PPM1L: variants seen among roughly 807,000 people sequenced by gnomAD.
The protein encoded by PPM1L is protein phosphatase 1L.
In PPM1L, 13 loss-of-function variants were observed where a neutral mutation model predicts 31.4. The ratio of observed to expected loss-of-function variants is 0.41; its 90% CI spans 0.27 to 0.66. The LOEUF is 0.66. Among genes scored for constraint, PPM1L ranks in the 30% least tolerant of loss-of-function variants. The pLI is 0.29. For synonymous variants in PPM1L, 184 were observed against 175.4 expected (o/e 1.05, Z -0.39); for missense variants, 326 against 453.7 (o/e 0.72, Z 2.56).
chr3:161,048,924 C>G (rs1278654980), intron 2 of PPM1L, among the ~76,000 whole-genome samples: 3 of 106,342 alleles, frequency 2.8e-5, no homozygotes, highest in African/African-American at 1.2e-4. Flanking sequence ...ACACTGGGGC[C>G]TGTCGTGGGG....
chr3:160,788,224 T>C (rs1711991211), intron 1 of PPM1L, among the ~76,000 whole-genome samples: 1 of 152,198 alleles, frequency 6.6e-6, no homozygotes, highest in Non-Finnish European at 1.5e-5. Context: ...ATTTTAATGA[T>C]ATTGGTTCTT....
At chr3:160,765,640 TGCCTGTTGGCTCATGAAAG>T (rs1715084662) in intron 1 of PPM1L, among the ~76,000 whole-genome samples, 1 of 152,234 alleles carries the variant, frequency 6.6e-6, no homozygotes, top group Non-Finnish European at 1.5e-5. Flanking sequence ...GCAATATTTT[TGCCTGTTGGCTCATGAAAG>T]GCTTTCATAG....
At chr3:160,776,219 A>G (rs1473880205) in intron 1 of PPM1L, among the ~76,000 whole-genome samples, 1 of 152,202 alleles carries the variant, frequency 6.6e-6, no homozygotes, top group Non-Finnish European at 1.5e-5. Context: ...GAGCTTTATG[A>G]ATCATATTGA....
In PPM1L at chr3:160,958,148, G is replaced by A. The variant is rs150105188; in HGVS notation, c.400-3588G>A. Among the ~76,000 whole-genome samples the A allele has an allele frequency of 4.2e-3, 646 of 152,242 alleles. 2 individuals are homozygous for A. The highest frequency in any genetic ancestry group is 0.015 in the African/African-American group (620 of 41,542). ...TGATGGTTTCTTTTGCTGTGCAGAA[G>A]CTCTTTAGATTAATTAGATCCTATT... On this transcript the variant is annotated intron_variant, in intron 1 of 3. Transcript: ENST00000498165.
At chr3:160,997,941 A>G (rs1559918221) in intron 2 of PPM1L, among the ~76,000 whole-genome samples, 1 of 152,206 alleles carries the variant, frequency 6.6e-6, no homozygotes, top group Admixed American at 6.5e-5. Flanking sequence ...GCAGGATCCA[A>G]GTACCACATG....
At chr3:160,819,663 C>G (rs1713133703) in intron 1 of PPM1L, among the ~76,000 whole-genome samples, 1 of 151,896 alleles carries the variant, frequency 6.6e-6, no homozygotes, top group African/African-American at 2.4e-5. Flanking sequence ...GACAATTAGT[C>G]AGTAAACAAA....
intron 2 of PPM1L, among the ~76,000 whole-genome samples, chr3:160,973,776 T>TG (rs1371967024): frequency 8.6e-5 from 4 of 46,354 alleles, no homozygotes; most frequent in African/African-American, 1.2e-4. Context: ...TTTTTTTTTT[T>TG]TTTTTTTTTT....
intron 1 of PPM1L, among the ~76,000 whole-genome samples, chr3:160,841,437 G>A (rs929719880): frequency 1.3e-5 from 2 of 151,960 alleles, no homozygotes; most frequent in Non-Finnish European, 2.9e-5. Context: ...GAAAAGGAAT[G>A]CAGAGCTACA....
At chr3:160,789,083 A>G (rs960160164) in intron 1 of PPM1L, among the ~76,000 whole-genome samples, 16 of 152,010 alleles carry the variant, frequency 1.1e-4, no homozygotes, top group Admixed American at 4.6e-4. Context: ...ATTTAGATAA[A>G]CTGATAATTT....
intron 1 of PPM1L, chr3:160,842,193 C>T (rs1713903927): frequency 1.4e-6 from 1 of 693,266 alleles, no homozygotes; most frequent in African/African-American, 1.8e-5. Context: ...GGAGCTGGAA[C>T]TTGGAGATAG....
chr3:160,913,761 T>G (rs1714054996), intron 1 of PPM1L, among the ~76,000 whole-genome samples: 1 of 152,198 alleles, frequency 6.6e-6, no homozygotes, highest in Non-Finnish European at 1.5e-5. Flanking sequence ...CTGACTAGTA[T>G]TCCATTGAAT....
At chr3:160,780,072 G>A in intron 1 of PPM1L, among the ~76,000 whole-genome samples, 1 of 151,580 alleles carries the variant, frequency 6.6e-6, no homozygotes, top group East Asian at 1.9e-4. Flanking sequence ...TGCCCAGGCT[G>A]TGATAACAGT....
intron 2 of PPM1L, among the ~76,000 whole-genome samples, chr3:160,975,349 G>T (rs1384939799): frequency 6.6e-6 from 1 of 151,870 alleles, no homozygotes; most frequent in African/African-American, 2.4e-5. Context: ...TTGACTTGGC[G>T]ATGCGGGCTC....
intron 1 of PPM1L, among the ~76,000 whole-genome samples, chr3:160,869,400 C>G (rs1044364024): frequency 6.6e-6 from 1 of 152,144 alleles, no homozygotes; most frequent in South Asian, 2.1e-4. Context: ...ATTGTTTGCT[C>G]AGCTTTGGTG....
intron 1 of PPM1L, among the ~76,000 whole-genome samples, chr3:160,810,126 A>G (rs1712765746): frequency 6.6e-6 from 1 of 151,890 alleles, no homozygotes; most frequent in African/African-American, 2.4e-5. Context: ...CTTCATATAC[A>G]GGAAAGCATT....
intron 1 of PPM1L, among the ~76,000 whole-genome samples, chr3:160,773,091 G>A (rs1321336790): frequency 1.3e-5 from 2 of 152,190 alleles, no homozygotes; most frequent in Admixed American, 6.5e-5. Context: ...GGATTGTGTG[G>A]TAGGTGTATG....
At chr3:160,989,638 A>G (rs1188433520) in intron 2 of PPM1L, among the ~76,000 whole-genome samples, 3 of 152,102 alleles carry the variant, frequency 2.0e-5, no homozygotes, top group Admixed American at 2.0e-4. Flanking sequence ...CTAGGGTCAC[A>G]GGCGTGAGCC....
chr3:161,060,487 A>G (rs938559901), intron 2 of PPM1L, among the ~76,000 whole-genome samples: 1 of 152,164 alleles, frequency 6.6e-6, no homozygotes, highest in African/African-American at 2.4e-5. Flanking sequence ...GACTGGAGTC[A>G]ATGCTGTGAG....
At chr3:160,887,363 C>T (rs1712950960) in intron 1 of PPM1L, among the ~76,000 whole-genome samples, 1 of 152,050 alleles carries the variant, frequency 6.6e-6, no homozygotes, top group South Asian at 2.1e-4. Context: ...CAGAGAACAC[C>T]ACTAAGATAC....
Sources: gnomAD v4.1 joint callset for allele counts (sites outside exome capture counted in the v4.1 genomes callset) on GRCh38, gnomAD v4.1.1 for gene constraint, MANE v1.5 for transcripts, NCBI Gene and HGNC (gene_info 2026-07-23, HGNC 2026-07-21) for gene names.